The following THRB variants were observed in gnomAD, a reference collection of about 807,000 sequenced individuals.
The protein encoded by THRB is thyroid hormone receptor beta.
A neutral mutation model predicts 47.8 loss-of-function variants in THRB; 12 were observed. The observed-to-expected ratio is 0.25, with a 90% CI of 0.16 to 0.41. The LOEUF is 0.41. THRB is among the 10% of genes least tolerant of loss of function. The pLI is 1.00. For missense variants in THRB, 348 were observed against 589.2 expected (o/e 0.59, Z 4.24); for synonymous variants, 218 against 212.2 (o/e 1.03, Z -0.24).
At chr3:24,182,124 C>A (rs1010714127) in intron 5 of THRB, among the ~76,000 whole-genome samples, 6 of 152,124 alleles carry the variant, frequency 3.9e-5, no homozygotes, top group African/African-American at 1.4e-4. Flanking sequence ...TGGCGTGAAC[C>A]CGGGAGGTGG....
At chr3:24,182,919 G>A (rs1438243117) in intron 5 of THRB, among the ~76,000 whole-genome samples, 1 of 152,184 alleles carries the variant, frequency 6.6e-6, no homozygotes, top group Middle Eastern at 3.2e-3. Flanking sequence ...TTTGGGTCTG[G>A]AATGTTCTTA....
At chr3:24,341,773 T>C (rs1259407369) in intron 1 of THRB, among the ~76,000 whole-genome samples, 2 of 152,192 alleles carry the variant, frequency 1.3e-5, no homozygotes, top group Non-Finnish European at 2.9e-5. Context: ...TTTAAGTATT[T>C]TCTCTTGCTC....
chr3:24,241,251 G>A (rs147191123), intron 3 of THRB, among the ~76,000 whole-genome samples: 1 of 115,644 alleles, frequency 8.6e-6, no homozygotes, highest in Non-Finnish European at 2.1e-5. Flanking sequence ...TTCTCAAGGA[G>A]GGGTTTTCAC....
At chr3:24,465,913 T>A (rs1465624004) in intron 1 of THRB, among the ~76,000 whole-genome samples, 1 of 152,210 alleles carries the variant, frequency 6.6e-6, no homozygotes, top group Non-Finnish European at 1.5e-5. Context: ...AAATTTGTTA[T>A]GAAGAACTAC....
At chr3:24,450,510 C>A (rs2072545112) in intron 1 of THRB, among the ~76,000 whole-genome samples, 1 of 152,148 alleles carries the variant, frequency 6.6e-6, no homozygotes, top group African/African-American at 2.4e-5. Context: ...GTTATTTATT[C>A]TTTACTTTAA....
intron 4 of THRB, among the ~76,000 whole-genome samples, chr3:24,228,726 C>G (rs968735931): frequency 6.6e-6 from 1 of 151,718 alleles, no homozygotes; most frequent in Non-Finnish European, 1.5e-5. Flanking sequence ...ATAGTCATTT[C>G]CTCTCCATCA....
At chr3:24,205,366 C>A (rs2045200638) in intron 4 of THRB, among the ~76,000 whole-genome samples, 2 of 152,226 alleles carry the variant, frequency 1.3e-5, no homozygotes, top group South Asian at 2.1e-4. Flanking sequence ...AAAGACAAGA[C>A]TTTTCAACCC....
Position 24,377,441 on chromosome 3 carries a change from G to A in THRB, c.-260-40070C>T, listed in dbSNP as rs562315766. On this transcript the variant is annotated intron_variant, in intron 1 of 10. Transcript: ENST00000646209. ...GTCATTCAAGCTAAGTGATGTAAGG[G>A]TGAGGGGCTGATGGCATTATGTGTG... Among the ~76,000 whole-genome samples, 17 of 119,370 alleles carry A rather than the reference G, an allele frequency of 1.4e-4. No individual in the cohort carries two copies. The South Asian group carries it at 4.6e-3, about 33-fold the overall frequency. 78.3% of individuals were successfully genotyped at this position (119,370 alleles called of 152,430 possible).
intron 4 of THRB, among the ~76,000 whole-genome samples, chr3:24,206,624 C>T (rs926411453): frequency 1.3e-5 from 2 of 152,090 alleles, no homozygotes; most frequent in Non-Finnish European, 2.9e-5. Context: ...CATTGAAAAG[C>T]TAGCAGAAGG....
chr3:24,490,735 C>A (rs1046412230), intron 1 of THRB, among the ~76,000 whole-genome samples: 9 of 152,070 alleles, frequency 5.9e-5, no homozygotes, highest in Admixed American at 3.9e-4. Context: ...TTGGCTGACA[C>A]ACTAGATATT....
intron 1 of THRB, among the ~76,000 whole-genome samples, chr3:24,373,730 G>A (rs1167678212): frequency 6.6e-6 from 1 of 152,080 alleles, no homozygotes; most frequent in East Asian, 1.9e-4. Context: ...CTATACTTGA[G>A]TCCTTGTGGA....
At chr3:24,481,459 G>A (rs1480989669) in intron 1 of THRB, among the ~76,000 whole-genome samples, 1 of 151,990 alleles carries the variant, frequency 6.6e-6, no homozygotes, top group Non-Finnish European at 1.5e-5. Context: ...TACTCAGCAC[G>A]TACCTGCTGG....
At chr3:24,141,281 A>G (rs2035407240) in intron 8 of THRB, among the ~76,000 whole-genome samples, 1 of 152,244 alleles carries the variant, frequency 6.6e-6, no homozygotes, top group African/African-American at 2.4e-5. Flanking sequence ...TGCAGACCTC[A>G]AGACTGGTTC....
At chr3:24,166,356 G>A (rs1201093607) in intron 5 of THRB, among the ~76,000 whole-genome samples, 4 of 152,230 alleles carry the variant, frequency 2.6e-5, no homozygotes, top group South Asian at 2.1e-4. Context: ...TCAGTAGTGC[G>A]TGGAAAACTG....
chr3:24,451,043 T>C (rs956105080), intron 1 of THRB, among the ~76,000 whole-genome samples: 2 of 152,180 alleles, frequency 1.3e-5, no homozygotes, highest in Admixed American at 1.3e-4. Context: ...GGTTTTGTTA[T>C]AGGAAAAGTG....
At chr3:24,253,436 T>C (rs2050872172) in intron 3 of THRB, among the ~76,000 whole-genome samples, 1 of 152,162 alleles carries the variant, frequency 6.6e-6, no homozygotes, top group African/African-American at 2.4e-5. Context: ...GCTTTTGATC[T>C]AGAGGGAGAT....
chr3:24,163,274 G>A (rs1247384111), intron 5 of THRB, among the ~76,000 whole-genome samples: 1 of 152,182 alleles, frequency 6.6e-6, no homozygotes, highest in Non-Finnish European at 1.5e-5. Context: ...TAGTGAGTTT[G>A]GCAGGTGGCG....
chr3:24,247,717 T>C (rs1158956824), intron 3 of THRB, among the ~76,000 whole-genome samples: 2 of 152,206 alleles, frequency 1.3e-5, no homozygotes, highest in Non-Finnish European at 2.9e-5. Context: ...TACTGGTACA[T>C]GGGGAAGTCA....
chr3:24,146,713 C>T lies in THRB; in HGVS notation c.494G>A (p.Arg165His). Residue 165 changes from arginine (R) to histidine (H), a missense_variant, in exon 7 of 11, where the codon CGC (arginine) becomes CAC (histidine). Physicochemically the swap from Arg to His is conservative, Grantham distance 29. This residue lies in a region of THRB where 112 missense variants were observed against 212.3 expected (regional missense o/e 0.53). Transcript: ENST00000646209. ...GCCAACATAGATGCATTTCTTAAAG[C>T]GACATTCCTGGCACTGATTTCGCGT... ...KVTRNQCQEC[R>H]FKKCIYVGMA... 2 of 1,614,148 alleles carry T rather than the reference C, an allele frequency of 1.2e-6. No homozygotes were observed. The highest frequency in any genetic ancestry group is 1.7e-6 in the Non-Finnish European group (2 of 1,179,990).
Sources: gnomAD v4.1 joint callset for allele counts (sites outside exome capture counted in the v4.1 genomes callset) on GRCh38, gnomAD v4.1.1 for gene constraint, gnomAD v4.1.1 regional missense constraint, MANE v1.5 for transcripts, NCBI Gene and HGNC (gene_info 2026-07-23, HGNC 2026-07-21) for gene names.